The following HNRNPM variants were observed in gnomAD, a reference collection of about 807,000 sequenced individuals.
HNRNPM encodes CEA receptor.
A neutral mutation model predicts 73.1 loss-of-function variants in HNRNPM; 11 were observed. The ratio of observed to expected loss-of-function variants is 0.15; its 90% CI spans 0.09 to 0.25. The LOEUF (loss-of-function observed/expected upper bound fraction) is 0.25, where lower values mean the gene tolerates loss of function less well. Among genes scored for constraint, HNRNPM ranks in the 10% least tolerant of loss-of-function variants. The probability of loss-of-function intolerance (pLI) is 1.00; values close to 1 mark genes in which losing one functional copy is unlikely to be tolerated. For synonymous variants in HNRNPM, 407 were observed against 355.2 expected, an observed-to-expected ratio of 1.15 and a Z score of -1.64; for missense variants, 789 against 1,067.9, an observed-to-expected ratio of 0.74 and a Z score of 3.64.
intron 2 of HNRNPM, among the ~76,000 whole-genome samples, chr19:8,459,320 G>C (rs1222942110): frequency 6.6e-6 from 1 of 152,206 alleles, no homozygotes; most frequent in African/African-American, 2.4e-5. Context: ...TGTGGTCTCT[G>C]GTGTTAGGGA....
In HNRNPM at chr19:8,454,492, G is replaced by C. The variant is rs139228560; in HGVS notation, c.114-913G>C. On this transcript the variant is annotated intron_variant, in intron 1 of 15. Transcript: ENST00000325495. ...TCCATTCATCTATTGGTAGACACTT[G>C]GTTGTTTCTACCTTTTGGCTTGTGT... 5.7e-3 allele frequency among the ~76,000 whole-genome samples: 867 copies of C among 152,244 alleles called. 12 individuals carry two copies. Among genetic ancestry groups the C allele is most frequent in the African/African-American group, 0.02 (827 of 41,538 alleles).
intron 1 of HNRNPM, among the ~76,000 whole-genome samples, chr19:8,451,449 A>G (rs1300318102): frequency 6.6e-6 from 1 of 151,764 alleles, no homozygotes; most frequent in Non-Finnish European, 1.5e-5. Context: ...GTGAGAAAAT[A>G]GGATTGGACA....
intron 10 of HNRNPM, among the ~76,000 whole-genome samples, chr19:8,471,817 T>C (rs938800325): frequency 1.5e-4 from 23 of 152,128 alleles, no homozygotes; most frequent in African/African-American, 5.3e-4. Context: ...CCAAGACCCC[T>C]TTGGGCCCTC....
intron 12 of HNRNPM, among the ~76,000 whole-genome samples, chr19:8,479,085 T>C (rs1381152646): frequency 9.4e-6 from 1 of 106,618 alleles, no homozygotes; most frequent in Non-Finnish European, 1.9e-5. Context: ...TTTCTTTTTT[T>C]TTTTTTTTTT....
At position 8,488,824 on chromosome 19, in the gene HNRNPM, G is replaced by A. The variant is rs1474295401; in HGVS notation, c.2163G>A (p.Glu721=). Residue 721 remains glutamate, a synonymous_variant, in exon 16 of 16, where the codon GAG becomes GAA. Transcript: ENST00000325495. ...MMNGMKLSGR[E]IDVRIDRNA ...ATGGCATGAAGCTGAGTGGCCGAGA[G>A]ATTGACGTTCGAATTGATAGAAACG... is the stretch of plus-strand genomic sequence containing the variant. 1.9e-6 allele frequency: 3 copies of A among 1,614,042 alleles called. No individual in the cohort carries two copies. Among genetic ancestry groups the A allele is most frequent in the East Asian group, 2.2e-5 (1 of 44,900 alleles).
intron 14 of HNRNPM, 136 bp downstream of exon 14, chr19:8,486,541 T>C (rs1971324339): frequency 1.4e-6 from 1 of 707,524 alleles, no homozygotes; most frequent in South Asian, 1.9e-5. Flanking sequence ...AAACGTTTTA[T>C]GCTAGTGGGA....
intron 1 of HNRNPM, among the ~76,000 whole-genome samples, chr19:8,446,114 T>C (rs984782656): frequency 1.3e-5 from 2 of 152,198 alleles, no homozygotes; most frequent in Non-Finnish European, 2.9e-5. Context: ...TGGGTACACA[T>C]TGAATTTCCC....
chr19:8,466,476 G>T, intron 7 of HNRNPM, 88 bp downstream of exon 7: 3 of 1,312,460 alleles, frequency 2.3e-6, no homozygotes, highest in Non-Finnish European at 2.2e-6. Flanking sequence ...AGAGGTGACT[G>T]TGTGTATTCA....
At chr19:8,461,124 A>G (rs1969367113) in intron 2 of HNRNPM, among the ~76,000 whole-genome samples, 1 of 152,328 alleles carries the variant, frequency 6.6e-6, no homozygotes, top group African/African-American at 2.4e-5. Context: ...TGTTTTGTAC[A>G]AAGTGTCAGT....
intron 1 of HNRNPM, among the ~76,000 whole-genome samples, chr19:8,450,864 G>T (rs892307508): frequency 6.7e-6 from 1 of 149,822 alleles, no homozygotes; most frequent in Non-Finnish European, 1.5e-5. Flanking sequence ...CGAGTAGCTA[G>T]GATTACAGGC....
chr19:8,484,369 G>C (rs1013546990), intron 13 of HNRNPM, among the ~76,000 whole-genome samples: 8 of 152,102 alleles, frequency 5.3e-5, no homozygotes, highest in Non-Finnish European at 1.2e-4. Context: ...TAGAGATGGG[G>C]TTTCACCATG....
intron 2 of HNRNPM, among the ~76,000 whole-genome samples, chr19:8,456,430 C>A (rs1177215467): frequency 2.0e-5 from 3 of 152,218 alleles, no homozygotes; most frequent in Non-Finnish European, 4.4e-5. Context: ...TTAGACAACA[C>A]CGTGGTAGAG....
At chr19:8,468,619 A>G (rs1337915877) in intron 8 of HNRNPM, among the ~76,000 whole-genome samples, 155 bp from the exon 9 acceptor site, 2 of 152,062 alleles carry the variant, frequency 1.3e-5, no homozygotes, top group African/African-American at 4.8e-5. Flanking sequence ...AATAGGAAGC[A>G]TGCTCCGCAT....
At chr19:8,483,303 GA>G in intron 13 of HNRNPM, 92 bp downstream of exon 13, 1 of 940,078 alleles carries the variant, frequency 1.1e-6, no homozygotes, top group Non-Finnish European at 1.7e-6. Flanking sequence ...TGCGGGTTCT[GA>G]CACAGACTGC....
Position 8,466,297 on chromosome 19 carries a change from C to T in HNRNPM, c.693C>T (p.Val231=). 6.2e-7 allele frequency: 1 copy of T among 1,613,926 alleles called. No homozygotes were observed. Among genetic ancestry groups the T allele is most frequent in the South Asian group, 1.1e-5 (1 of 91,080 alleles). The part of the protein sequence containing the change: ...KEVFSMAGVV[V]RADILEDKDG... ...TATTTAGTATGGCTGGTGTGGTGGT[C>T]CGAGCAGACATTCTTGAAGATAAAG... is the stretch of plus-strand genomic sequence containing the variant. The change falls in exon 7 of 16, where the codon GTC becomes GTT. Residue 231 remains valine, a synonymous_variant. Transcript: ENST00000325495.
chr19:8,448,144 G>C (rs1280530345), intron 1 of HNRNPM, among the ~76,000 whole-genome samples: 1 of 152,216 alleles, frequency 6.6e-6, no homozygotes, highest in Non-Finnish European at 1.5e-5. Flanking sequence ...TGAGAGACAG[G>C]AGAAAAATAG....
intron 6 of HNRNPM, 63 bp from the exon 7 acceptor site, chr19:8,466,172 T>TA: frequency 6.7e-7 from 1 of 1,488,220 alleles, no homozygotes; most frequent in East Asian, 2.3e-5. Context: ...ATTCATGTAG[T>TA]AAAAATGTTG....
intron 10 of HNRNPM, among the ~76,000 whole-genome samples, chr19:8,473,165 C>T (rs1292121581): frequency 6.6e-6 from 1 of 152,032 alleles, no homozygotes; most frequent in Non-Finnish European, 1.5e-5. Context: ...ATCACTTGAG[C>T]CTGGGATGTT....
At chr19:8,488,636 C>G (rs1971489878) in intron 15 of HNRNPM, 55 bp from the exon 16 acceptor site, 1 of 1,552,182 alleles carries the variant, frequency 6.4e-7, no homozygotes, top group Non-Finnish European at 8.8e-7. Flanking sequence ...CTCTGTCCAC[C>G]AAAATCTAAC....
Sources: gnomAD v4.1 joint callset for allele counts (sites outside exome capture counted in the v4.1 genomes callset) on GRCh38, gnomAD v4.1.1 for gene constraint, MANE v1.5 for transcripts, NCBI Gene and HGNC (gene_info 2026-07-23, HGNC 2026-07-21) for gene names.